Variants in SLC4A1 observed in about 807,000 individuals in gnomAD.
The protein encoded by SLC4A1 is band 3 anion transport protein.
SLC4A1 carries 29 observed loss-of-function variants against 93.1 expected under a neutral mutation model. The ratio of observed to expected loss-of-function variants is 0.31; its 90% CI spans 0.23 to 0.42. The LOEUF is 0.42. SLC4A1 is among the 20% of genes least tolerant of loss of function. The probability of loss-of-function intolerance (pLI) is 1.00; values close to 1 mark genes in which losing one functional copy is unlikely to be tolerated. For missense variants in SLC4A1, 965 were observed against 1,190.1 expected (o/e 0.81, Z 2.78); for synonymous variants, 469 against 497.2 (o/e 0.94, Z 0.76).
Position 44,258,506 on chromosome 17 carries a change from G to T in SLC4A1, c.994C>A (p.Leu332Met), listed in dbSNP as rs1467655276. 3 of 1,614,090 alleles carry T rather than the reference G, an allele frequency of 1.9e-6. No individual in the cohort carries two copies. In the South Asian group the frequency reaches 3.3e-5, roughly 18 times the overall value. ...PPTDAPSEQA[L>M]LSLVPVQREL... Reference sequence around the variant, plus strand: ...CTCTGCACAGGCACCAGACTGAGCAGTGCCTGCTCGGAGGGGGCATCGGTG... The same window carrying T: ...CTCTGCACAGGCACCAGACTGAGCATTGCCTGCTCGGAGGGGGCATCGGTG... Residue 332 changes from leucine (L) to methionine (M), a missense_variant, in exon 10 of 20, where the codon CTG becomes ATG. Around this residue, in one of 2 missense-constraint regions of SLC4A1, gnomAD observed 770 missense variants for 1,006.6 expected, o/e 0.76. Coordinates refer to ENST00000262418, the MANE Select transcript of SLC4A1 (RefSeq NM_000342.4). The surrounding 1 kb of genome is among the most constrained non-coding windows in gnomAD (Gnocchi z 6.1).
chr17:44,258,808 G>A lies in SLC4A1; in HGVS notation c.877-185C>T, dbSNP rs958726414. On this transcript the variant is annotated intron_variant, in intron 9 of 19. Coordinates refer to ENST00000262418, the MANE Select transcript of SLC4A1 (RefSeq NM_000342.4). This position sits in a 1 kb window ranked among gnomAD's most constrained non-coding sequence, Gnocchi z 6.1. ...AAGAAAGAGCTCTGGGGAGACAGAC[G>A]GGGGCCCTGGGTGGGGAAAGGAGAA... Among the ~76,000 whole-genome samples, 1 of 152,102 alleles carries A rather than the reference G, an allele frequency of 6.6e-6. No individual in the cohort carries two copies. Among genetic ancestry groups the A allele is most frequent in the Non-Finnish European group, 1.5e-5 (1 of 68,020 alleles).
chr17:44,248,867 T>TTTTTC lies in SLC4A1; in HGVS notation c.*1590_*1591insGAAAA, dbSNP rs2047316047. The TTTTTC allele has an allele frequency of 7.0e-6, 1 of 142,584 alleles. No individual in the cohort carries two copies. Among genetic ancestry groups the TTTTTC allele is most frequent in the Non-Finnish European group, 1.5e-5 (1 of 66,930 alleles). The allele number at this position is 142,584 out of a possible 1,614,324, so 8.8% of individuals were successfully genotyped here. A position where few individuals can be genotyped will look rare whatever the true frequency, so the allele number is the denominator to read the frequency against. On this transcript the variant is annotated 3_prime_UTR_variant, in exon 20 of 20. Transcript: ENST00000262418. ...TCCTTCCGTTTTTTTTTTTTTTTTT[T>TTTTTC]TTTTTTTTTTGAGACAGGGTCTCGC...
intron 16 of SLC4A1, 109 bp from the exon 17 acceptor site, chr17:44,253,480 C>T: frequency 7.1e-7 from 1 of 1,412,062 alleles, no homozygotes; most frequent in Non-Finnish European, 9.5e-7. Context: ...TCTTCTGTGC[C>T]CCTCGCTCTT....
At position 44,268,069 on chromosome 17, in the gene SLC4A1, A is replaced by G. The variant is rs1230978562; in HGVS notation, c.-84T>C. ...CCCTGCCCACCTGCTCACGAGCCTCAGGGTCCCTTGGTGAAGTCCTGCAGC... is the reference window on the plus strand; with the variant it reads ...CCCTGCCCACCTGCTCACGAGCCTCGGGGTCCCTTGGTGAAGTCCTGCAGC... On this transcript the variant is annotated 5_prime_UTR_variant, in exon 1 of 20. Coordinates refer to ENST00000262418, the MANE Select transcript of SLC4A1 (RefSeq NM_000342.4). 7 of 984,720 alleles carry G rather than the reference A, an allele frequency of 7.1e-6. No individual in the cohort carries two copies. The highest frequency in any genetic ancestry group is 8.4e-6 in the Non-Finnish European group (7 of 829,784). The allele number at this position is 984,720 out of a possible 1,614,324, so 61.0% of individuals were successfully genotyped here. A position where few individuals can be genotyped will look rare whatever the true frequency, so the allele number is the denominator to read the frequency against.
At chr17:44,253,969 G>A (rs1031232951) in intron 16 of SLC4A1, among the ~76,000 whole-genome samples, 12 of 130,660 alleles carry the variant, frequency 9.2e-5, no homozygotes, top group Non-Finnish European at 1.6e-4. Context: ...CTCACCTGGC[G>A]CTTTTTTTTT....
chr17:44,249,865 T>A lies in SLC4A1; in HGVS notation c.*593A>T. The A allele has an allele frequency of 6.4e-6, 1 of 156,550 alleles. No individual in the cohort carries two copies. The highest frequency in any genetic ancestry group is 1.9e-4 in the East Asian group (1 of 5,276). 9.7% of individuals were successfully genotyped at this position (156,550 alleles called of 1,614,324 possible). ...TTGAAATCAGAAGGCCTGGTTCAAATCCCAGCTGCACGGCTCAGTTCAAAT... is the reference window on the plus strand; with the variant it reads ...TTGAAATCAGAAGGCCTGGTTCAAAACCCAGCTGCACGGCTCAGTTCAAAT... On this transcript the variant is annotated 3_prime_UTR_variant, in exon 20 of 20. Transcript: ENST00000262418.
chr17:44,255,150 G>T, intron 15 of SLC4A1, 57 bp downstream of exon 15: 1 of 1,186,906 alleles, frequency 8.4e-7, no homozygotes, highest in Non-Finnish European at 1.2e-6. Flanking sequence ...GCATGCTGGG[G>T]GGTGGAAATG....
chr17:44,255,841 G>A lies in SLC4A1; in HGVS notation c.1632C>T (p.Phe544=), dbSNP rs935959235. ...YETFSKLIKI[F]QDHPLQKTYN... ...AAGTCTTCTGTAGTGGGTGGTCCTG[G>A]AAGATCTGCAGCAGAAAACCAAGGC... The change falls in exon 14 of 20, where the codon TTC becomes TTT. Residue 544 remains phenylalanine, a synonymous_variant. Coordinates refer to ENST00000262418, the MANE Select transcript of SLC4A1 (RefSeq NM_000342.4). 10 of 1,614,140 alleles carry A rather than the reference G, an allele frequency of 6.2e-6. No individual in the cohort carries two copies. Among genetic ancestry groups the A allele is most frequent in the Non-Finnish European group, 6.8e-6 (8 of 1,180,020 alleles).
At position 44,253,371 on chromosome 17, in the gene SLC4A1, C is replaced by T. The variant is rs140182223; in HGVS notation, c.2058G>A (p.Thr686=). 4.4e-6 allele frequency: 7 copies of T among 1,609,172 alleles called. No homozygotes were observed. Among genetic ancestry groups the T allele is most frequent in the Non-Finnish European group, 6.0e-6 (7 of 1,176,304 alleles). ...TGCGCTCAGGTTTGCTGACAATCAG[C>T]CTACGGTAGGGGAAGGTGAGGGGTA... The part of the protein sequence containing the change: ...ILIFLESQIT[T]LIVSKPERKM... Residue 686 remains threonine, a splice_region_variant and synonymous_variant, in exon 17 of 20, where the codon ACG becomes ACA. Transcript: ENST00000262418.
intron 4 of SLC4A1, among the ~76,000 whole-genome samples, chr17:44,261,168 G>T (rs2047441075): frequency 6.6e-6 from 1 of 152,236 alleles, no homozygotes; most frequent in African/African-American, 2.4e-5. Context: ...TGTCCCTGAG[G>T]CCAGGTGGTT....
chr17:44,251,089 T>C (rs886067881), intron 19 of SLC4A1, 70 bp downstream of exon 19: 18 of 1,502,804 alleles, frequency 1.2e-5, no homozygotes, highest in Admixed American at 7.8e-5. Context: ...CTGTCCTGCC[T>C]GCCCTAGTTC....
At chr17:44,263,011 T>C in intron 1 of SLC4A1, 77 bp from the exon 2 acceptor site, 1 of 1,222,804 alleles carries the variant, frequency 8.2e-7, no homozygotes, top group Non-Finnish European at 1.2e-6. Context: ...GGGGGCCACA[T>C]GTCAGTGGAG....
intron 17 of SLC4A1, among the ~76,000 whole-genome samples, chr17:44,252,204 C>T (rs560149798): frequency 1.1e-4 from 16 of 151,924 alleles, no homozygotes; most frequent in Non-Finnish European, 1.5e-4. Flanking sequence ...TATAGGCGTG[C>T]GACACCACGC....
intron 7 of SLC4A1, 106 bp from the exon 8 acceptor site, chr17:44,259,687 C>T (rs1234929335): frequency 4.3e-5 from 66 of 1,534,700 alleles, no homozygotes; most frequent in Non-Finnish European, 5.1e-5. Context: ...TGGCACCCCC[C>T]GGGCACAGGA....
rs144291541 is a variant in SLC4A1, at chr17:44,259,844, G to T, written c.574C>A (p.His192Asn). Residue 192 changes from histidine to asparagine, a missense_variant, in exon 7 of 20, where the codon CAC (histidine) becomes AAC (asparagine). His to Asn is a moderately conservative substitution (Grantham distance 68, BLOSUM62 1). Transcript: ENST00000262418. ...AAGAGCTGTGTCTCCAGTGAGGAGT[G>T]TTGGGGGAGCAGAGGCTGTGAAGGA... ...GDPSQPLLPQ[H>N]SSLETQLFCE... 3.7e-6 allele frequency: 6 copies of T among 1,613,996 alleles called. No individual in the cohort carries two copies. Among genetic ancestry groups the T allele is most frequent in the Non-Finnish European group, 4.2e-6 (5 of 1,180,026 alleles).
chr17:44,267,278 C>T (rs1467638981), intron 1 of SLC4A1, among the ~76,000 whole-genome samples: 2 of 152,168 alleles, frequency 1.3e-5, no homozygotes, highest in South Asian at 2.1e-4. Context: ...TTACTAACGG[C>T]GTGTGACTTC....
At position 44,253,130 on chromosome 17, in the gene SLC4A1, C is replaced by T. The variant is rs767620009; in HGVS notation, c.2299G>A (p.Ala767Thr). The T allele has an allele frequency of 2.2e-5, 35 of 1,611,934 alleles. No homozygotes were observed. Among genetic ancestry groups the T allele is most frequent in the East Asian group, 4.5e-5 (2 of 44,900 alleles). Residue 767 changes from alanine to threonine, a missense_variant, in exon 17 of 20, where the codon GCT becomes ACT. Physicochemically the swap from Ala to Thr is moderately conservative, Grantham distance 58. This residue lies in a region of SLC4A1 where 770 missense variants were observed against 1,006.6 expected (regional missense o/e 0.76). Transcript: ENST00000262418. ...AGCTTTCACTCACCCACAAGCACAG[C>T]GACCAGGAGTCCACTGATCCGCTGC... ...KEQRISGLLVAVLVGLSILME... is the reference protein window; with the variant it reads ...KEQRISGLLVTVLVGLSILME...
intron 6 of SLC4A1, among the ~76,000 whole-genome samples, 193 bp downstream of exon 6, chr17:44,260,211 A>G (rs1452020353): frequency 2.0e-5 from 3 of 152,194 alleles, no homozygotes; most frequent in Non-Finnish European, 2.9e-5. Context: ...CTGGGGACCA[A>G]CAGCCCCCAA....
In SLC4A1 at chr17:44,260,524, T is replaced by A; in HGVS notation, c.365A>T (p.Asp122Val). 1 of 1,614,138 alleles carries A rather than the reference T, an allele frequency of 6.2e-7. No individual in the cohort carries two copies. The highest frequency in any genetic ancestry group is 8.5e-7 in the Non-Finnish European group (1 of 1,179,996). Reference sequence around the variant, plus strand: ...TCCAGCCAGGGAGGTCTCTTGCAGGTCTAGGAGGACAGTACCTGCAGGCAG... The same window carrying A: ...TCCAGCCAGGGAGGTCTCTTGCAGGACTAGGAGGACAGTACCTGCAGGCAG... ...RVFTKGTVLL[D>V]LQETSLAGVA... The change falls in exon 6 of 20, where the codon GAC (aspartate) becomes GTC (valine). Residue 122 changes from aspartate (D) to valine (V), a missense_variant. Asp to Val is a radical substitution (Grantham distance 152). This residue lies in a region of SLC4A1 where 195 missense variants were observed against 183.5 expected (regional missense o/e 1.06). Transcript: ENST00000262418.
Sources: allele counts gnomAD v4.1 joint callset (sites outside exome capture counted in the v4.1 genomes callset), GRCh38; gene constraint gnomAD v4.1.1; regional missense constraint gnomAD v4.1.1; non-coding constraint Gnocchi (gnomAD v3.1); transcripts MANE v1.5; gene names NCBI Gene and HGNC (gene_info 2026-07-23, HGNC 2026-07-21).